The following SEPTIN7 variants were observed in gnomAD, a reference collection of about 807,000 sequenced individuals.
SEPTIN7 encodes the protein septin 7.
SEPTIN7 carries 10 observed loss-of-function variants against 63.3 expected under a neutral mutation model. The ratio of observed to expected loss-of-function variants is 0.16; its 90% confidence interval spans 0.10 to 0.27. SEPTIN7 has a LOEUF of 0.27. SEPTIN7 is among the 10% of genes least tolerant of loss of function. The pLI, the probability that SEPTIN7 is intolerant of heterozygous loss-of-function variation, is 1.00. For missense variants in SEPTIN7, 310 were observed against 521.0 expected (o/e 0.59, Z 3.94); for synonymous variants, 131 against 165.3 (o/e 0.79, Z 1.59).
At chr7:35,851,933 T>G (rs1784980046) in intron 3 of SEPTIN7, among the ~76,000 whole-genome samples, 1 of 152,146 alleles carries the variant, frequency 6.6e-6, no homozygotes. Context: ...CCAGTACCCT[T>G]TAGTGTCAAT....
rs1234560803 is a variant in SEPTIN7, at chr7:35,906,213, T to C, written c.*1920T>C. The C allele has an allele frequency of 6.6e-6, 1 of 152,194 alleles. No homozygotes were observed. Among genetic ancestry groups the C allele is most frequent in the Non-Finnish European group, 1.5e-5 (1 of 68,010 alleles). The allele number at this position is 152,194 out of a possible 1,614,324, so 9.4% of individuals were successfully genotyped here. On this transcript the variant is annotated 3_prime_UTR_variant, in exon 14 of 14. Transcript: ENST00000350320. ...TACTATTTCAAAATTCTATGTATTATAATAATAAATTTGTAAGACATTCAT... is the reference window on the plus strand; with the variant it reads ...TACTATTTCAAAATTCTATGTATTACAATAATAAATTTGTAAGACATTCAT...
chr7:35,824,288 C>G (rs1783393908), intron 1 of SEPTIN7, among the ~76,000 whole-genome samples: 2 of 152,074 alleles, frequency 1.3e-5, no homozygotes, highest in African/African-American at 2.4e-5. Flanking sequence ...GAGGGGGCTG[C>G]TACAGTTGAC....
chr7:35,846,766 T>G (rs1412964165), intron 3 of SEPTIN7: 1 of 155,210 alleles, frequency 6.4e-6, no homozygotes, highest in African/African-American at 2.4e-5. Context: ...ATTCTACTGA[T>G]TAGACCCAGG....
rs1273783958 is a variant in SEPTIN7, at chr7:35,903,201, A to G, written c.1260A>G (p.Gln420=). ...NWEAQQRILE[Q]QNSSRTLEKN... ...AAGCTCAACAACGTATTTTAGAACAACAGAACTCTTCAAGGTAACTAATAG... is the reference window on the plus strand; with the variant it reads ...AAGCTCAACAACGTATTTTAGAACAGCAGAACTCTTCAAGGTAACTAATAG... Residue 420 remains glutamine (Q), a synonymous_variant, in exon 13 of 14, where the codon CAA becomes CAG. Coordinates refer to ENST00000350320, the MANE Select transcript of SEPTIN7 (RefSeq NM_001788.6). 1 of 1,591,568 alleles carries G rather than the reference A, an allele frequency of 6.3e-7. No homozygotes were observed. Among genetic ancestry groups the G allele is most frequent in the East Asian group, 2.3e-5 (1 of 44,270 alleles).
chr7:35,869,142 G>C (rs1176782981), intron 4 of SEPTIN7, among the ~76,000 whole-genome samples: 1 of 152,214 alleles, frequency 6.6e-6, no homozygotes, highest in East Asian at 1.9e-4. Context: ...TTGGGAAGGA[G>C]GTTGCTAATA....
At chr7:35,895,652 C>G (rs1787916367) in intron 11 of SEPTIN7, among the ~76,000 whole-genome samples, 1 of 152,064 alleles carries the variant, frequency 6.6e-6, no homozygotes, top group South Asian at 2.1e-4. Context: ...GGGCACATAC[C>G]TTAATAATTT....
At chr7:35,880,506 C>T (rs1446913987) in intron 7 of SEPTIN7, among the ~76,000 whole-genome samples, 2 of 151,902 alleles carry the variant, frequency 1.3e-5, no homozygotes, top group Non-Finnish European at 2.9e-5. Context: ...AAAACAAAGT[C>T]ATTTTTTTCC....
chr7:35,830,380 G>A (rs969434299), intron 1 of SEPTIN7, among the ~76,000 whole-genome samples: 3 of 152,118 alleles, frequency 2.0e-5, no homozygotes, highest in Admixed American at 6.5e-5. Flanking sequence ...TTGGCTAGTG[G>A]CTTTCATTGG....
chr7:35,840,599 T>A (rs747228654), intron 3 of SEPTIN7, among the ~76,000 whole-genome samples: 1 of 152,006 alleles, frequency 6.6e-6, no homozygotes, highest in Non-Finnish European at 1.5e-5. Context: ...TTTTTAAAAG[T>A]TTATGCTACT....
downstream of SEPTIN7, chr7:35,907,176 A>G (rs545015559): frequency 6.6e-6 from 1 of 152,336 alleles, no homozygotes; most frequent in South Asian, 2.1e-4. Flanking sequence ...GATAGTTAAT[A>G]GTTATTGTTG....
chr7:35,804,435 C>T (rs1431244146), intron 1 of SEPTIN7, among the ~76,000 whole-genome samples: 7 of 152,242 alleles, frequency 4.6e-5, no homozygotes, highest in East Asian at 3.9e-4. Flanking sequence ...TGTTGAAGGC[C>T]GTAGACCAGA....
intron 6 of SEPTIN7, 36 bp from the exon 7 acceptor site, chr7:35,879,787 G>A (rs1786716569): frequency 8.6e-7 from 1 of 1,161,284 alleles, no homozygotes; most frequent in East Asian, 2.5e-5. Flanking sequence ...CTCCCAAACT[G>A]ATCAATTCAG....
intron 13 of SEPTIN7, among the ~76,000 whole-genome samples, chr7:35,903,941 C>A (rs565155679): frequency 2.6e-5 from 4 of 152,166 alleles, no homozygotes; most frequent in Non-Finnish European, 5.9e-5. Context: ...ACCCTGTTTG[C>A]TGCCAGTTGA....
chr7:35,861,801 T>C (rs865812822), intron 3 of SEPTIN7, among the ~76,000 whole-genome samples: 2 of 152,194 alleles, frequency 1.3e-5, no homozygotes, highest in Non-Finnish European at 2.9e-5. Context: ...GTCTGCACTC[T>C]TGCCGCTCAT....
At chr7:35,827,717 CTG>C (rs1783591715) in intron 1 of SEPTIN7, among the ~76,000 whole-genome samples, 1 of 152,112 alleles carries the variant, frequency 6.6e-6, no homozygotes, top group Non-Finnish European at 1.5e-5. Context: ...TCTCGAACTC[CTG>C]ACTTCAAGAG....
intron 13 of SEPTIN7, 58 bp from the exon 14 acceptor site, chr7:35,904,196 T>C: frequency 7.7e-7 from 1 of 1,297,940 alleles, no homozygotes; most frequent in Non-Finnish European, 1.1e-6. Context: ...GTTATCATGT[T>C]GTCTATCATG....
intron 3 of SEPTIN7, among the ~76,000 whole-genome samples, chr7:35,833,328 T>C (rs1033847815): frequency 9.2e-5 from 14 of 152,012 alleles, no homozygotes; most frequent in Admixed American, 6.6e-5. Context: ...AATAATGTAG[T>C]TGATTACCCT....
Position 35,818,150 on chromosome 7 carries a change from G to A in SEPTIN7, c.62-13342G>A, listed in dbSNP as rs1789197458. Among the ~76,000 whole-genome samples, 3 of 151,942 alleles carry A rather than the reference G, an allele frequency of 2.0e-5. No individual in the cohort carries two copies. In the South Asian group the frequency reaches 6.2e-4, roughly 32 times the overall value. On this transcript the variant is annotated intron_variant, in intron 1 of 13. Coordinates refer to ENST00000350320, the MANE Select transcript of SEPTIN7 (RefSeq NM_001788.6). Reference sequence around the variant, plus strand: ...TTCTTTATGAGGTTGAGGTTCCCTTGTATGTCTAGTTTGTTAAGTGTGTTT... The same window carrying A: ...TTCTTTATGAGGTTGAGGTTCCCTTATATGTCTAGTTTGTTAAGTGTGTTT...
intron 12 of SEPTIN7, chr7:35,898,899 G>A (rs1159614466): frequency 2.0e-5 from 3 of 152,312 alleles, no homozygotes; most frequent in African/African-American, 7.2e-5. Flanking sequence ...TAACAGGTTA[G>A]GCCTTCTTTA....
Sources: allele counts gnomAD v4.1 joint callset (sites outside exome capture counted in the v4.1 genomes callset), GRCh38; gene constraint gnomAD v4.1.1; transcripts MANE v1.5; gene names NCBI Gene and HGNC (gene_info 2026-07-23, HGNC 2026-07-21).